ADARB2: variants seen among roughly 807,000 people sequenced by gnomAD.
ADARB2 encodes adenosine deaminase RNA specific B2 (inactive), also known as inactive double-stranded RNA-specific editase B2.
ADARB2 carries 25 observed loss-of-function variants against 62.2 expected under a neutral mutation model. That is an observed-to-expected ratio of 0.40 (90% CI 0.29 to 0.56). The LOEUF is 0.56. Ranked by LOEUF, ADARB2 falls within the 20% of genes least tolerant of loss-of-function variation. ADARB2 has a pLI of 0.43. For missense variants in ADARB2, 1,071 were observed against 1,077.4 expected, an observed-to-expected ratio of 0.99 and a Z score of 0.08; for synonymous variants, 572 against 500.8, an observed-to-expected ratio of 1.14 and a Z score of -1.90.
At chr10:1,578,163 G>A (rs920682159) in intron 1 of ADARB2, among the ~76,000 whole-genome samples, 1 of 152,170 alleles carries the variant, frequency 6.6e-6, no homozygotes, top group African/African-American at 2.4e-5. Context: ...ATGGAAATTT[G>A]AACGAGGTGA....
chr10:1,519,097 C>T (rs765002877), intron 1 of ADARB2, among the ~76,000 whole-genome samples: 2 of 147,762 alleles, frequency 1.4e-5, no homozygotes, highest in African/African-American at 2.5e-5. Flanking sequence ...AACGTCTGTA[C>T]ACGGTGTGGT....
At chr10:1,245,514 T>A (rs990692451) in intron 4 of ADARB2, among the ~76,000 whole-genome samples, 356 of 119,048 alleles carry the variant, frequency 3.0e-3, no homozygotes, top group Admixed American at 6.2e-3. Flanking sequence ...CAGGCCCCGG[T>A]GTGTGATGTT....
intron 3 of ADARB2, among the ~76,000 whole-genome samples, chr10:1,355,963 T>A (rs1264137151): frequency 6.6e-6 from 1 of 151,934 alleles, no homozygotes; most frequent in African/African-American, 2.4e-5. Flanking sequence ...TGTATAAATG[T>A]ATATCATACA....
chr10:1,456,657 G>A (rs560315628), intron 1 of ADARB2, among the ~76,000 whole-genome samples: 23 of 152,278 alleles, frequency 1.5e-4, no homozygotes, highest in South Asian at 6.2e-4. Context: ...CTCGAGACGC[G>A]CGGGGCGTGG....
chr10:1,716,325 GGAA>G (rs1409708269), intron 1 of ADARB2, among the ~76,000 whole-genome samples: 3 of 152,202 alleles, frequency 2.0e-5, no homozygotes, highest in South Asian at 2.1e-4. Context: ...GAGACAGTCA[GGAA>G]GAAGGTGTGA....
chr10:1,520,146 C>T (rs183276790), intron 1 of ADARB2, among the ~76,000 whole-genome samples: 206 of 152,312 alleles, frequency 1.4e-3, no homozygotes, highest in African/African-American at 4.8e-3. Flanking sequence ...TATCCATACA[C>T]AGGAGCATAT....
chr10:1,232,823 CTATATGTGGTA>C (rs1830821731), intron 6 of ADARB2, among the ~76,000 whole-genome samples: 1 of 136,266 alleles, frequency 7.3e-6, no homozygotes, highest in Admixed American at 7.4e-5. Context: ...TATGCATGTG[CTATATGTGGTA>C]TGTGTGTGGT....
intron 4 of ADARB2, among the ~76,000 whole-genome samples, chr10:1,253,506 G>A (rs1052500265): frequency 2.6e-5 from 4 of 152,236 alleles, no homozygotes; most frequent in African/African-American, 7.2e-5. Context: ...ATATTTTAAT[G>A]TATTTCCATT....
At chr10:1,403,854 C>T (rs549043509) in intron 1 of ADARB2, among the ~76,000 whole-genome samples, 60 of 152,342 alleles carry the variant, frequency 3.9e-4, no homozygotes, top group African/African-American at 1.4e-3. Context: ...ACAGTCCCCA[C>T]GTCCTAGCCT....
At chr10:1,414,261 G>C (rs989033095) in intron 1 of ADARB2, among the ~76,000 whole-genome samples, 1 of 152,242 alleles carries the variant, frequency 6.6e-6, no homozygotes, top group African/African-American at 2.4e-5. Flanking sequence ...AGCTGAGGCA[G>C]TGCTTGCATG....
intron 1 of ADARB2, among the ~76,000 whole-genome samples, chr10:1,646,049 C>G (rs1356917154): frequency 6.6e-6 from 1 of 152,112 alleles, no homozygotes; most frequent in Non-Finnish European, 1.5e-5. Flanking sequence ...AGGATGGCAC[C>G]CAGTCTGATG....
chr10:1,326,151 T>C (rs561292399), intron 3 of ADARB2, among the ~76,000 whole-genome samples: 2 of 152,348 alleles, frequency 1.3e-5, no homozygotes, highest in African/African-American at 4.8e-5. Context: ...CATTTTGGTG[T>C]CTTGTCCACA....
intron 1 of ADARB2, among the ~76,000 whole-genome samples, chr10:1,585,210 C>T (rs1039353163): frequency 1.3e-5 from 2 of 152,040 alleles, no homozygotes; most frequent in Non-Finnish European, 2.9e-5. Flanking sequence ...TGCGACTATA[C>T]TGGGGACAGG....
chr10:1,732,834 AG>A (rs1181824123), intron 1 of ADARB2, among the ~76,000 whole-genome samples: 12 of 152,236 alleles, frequency 7.9e-5, no homozygotes, highest in Non-Finnish European at 1.6e-4. Context: ...TTTCACAGCA[AG>A]CCGGCGTCTG....
intron 2 of ADARB2, among the ~76,000 whole-genome samples, chr10:1,369,897 G>A (rs532964632): frequency 5.3e-5 from 8 of 152,318 alleles, no homozygotes; most frequent in Non-Finnish European, 7.3e-5. Context: ...GAATGGACTC[G>A]TTGTCTCTGG....
At chr10:1,446,922 G>T (rs1267474255) in intron 1 of ADARB2, among the ~76,000 whole-genome samples, 1 of 152,122 alleles carries the variant, frequency 6.6e-6, no homozygotes, top group East Asian at 1.9e-4. Flanking sequence ...ATTGTCAAGG[G>T]TTTATTTCAT....
chr10:1,553,954 G>A (rs760256091), intron 1 of ADARB2, among the ~76,000 whole-genome samples: 3 of 152,218 alleles, frequency 2.0e-5, no homozygotes, highest in Non-Finnish European at 4.4e-5. Context: ...GAGGAGGCCT[G>A]TAAACCGGAG....
intron 1 of ADARB2, among the ~76,000 whole-genome samples, chr10:1,672,541 A>G (rs897541601): frequency 6.6e-6 from 1 of 152,226 alleles, no homozygotes; most frequent in Admixed American, 6.5e-5. Context: ...TCCTCTCTGC[A>G]GGCCTCGCGC....
intron 1 of ADARB2, among the ~76,000 whole-genome samples, chr10:1,647,939 G>A (rs772172906): frequency 2.0e-5 from 3 of 151,862 alleles, no homozygotes; most frequent in Non-Finnish European, 4.4e-5. Context: ...GGTATATCTC[G>A]AACTGGAGGC....
Sources: allele counts gnomAD v4.1 joint callset (sites outside exome capture counted in the v4.1 genomes callset), GRCh38; gene constraint gnomAD v4.1.1; transcripts MANE v1.5; gene names NCBI Gene and HGNC (gene_info 2026-07-23, HGNC 2026-07-21).